AFG1L: variants seen among roughly 807,000 people sequenced by gnomAD.
AFG1L encodes AFG1 like ATPase, also known as AFG1-like ATPase.
In AFG1L, 53 loss-of-function variants were observed where a neutral mutation model predicts 62.2. The ratio of observed to expected loss-of-function variants is 0.85; its 90% CI spans 0.68 to 1.07. The LOEUF is 1.07. AFG1L is among the 50% of genes least tolerant of loss of function. AFG1L has a pLI of 0.00. For synonymous variants in AFG1L, 228 were observed against 210.3 expected (o/e 1.08, Z -0.73); for missense variants, 555 against 590.5 (o/e 0.94, Z 0.62).
At chr6:108,358,580 T>G (rs1779390877) in intron 5 of AFG1L, among the ~76,000 whole-genome samples, 1 of 152,244 alleles carries the variant, frequency 6.6e-6, no homozygotes, top group Non-Finnish European at 1.5e-5. Context: ...TTGCCTAGAC[T>G]GGAATGCAAT....
chr6:108,356,786 A>G lies in AFG1L; in HGVS notation c.614A>G (p.Glu205Gly). The G allele has an allele frequency of 6.2e-7, 1 of 1,613,668 alleles. No homozygotes were observed. Among genetic ancestry groups the G allele is most frequent in the Non-Finnish European group, 8.5e-7 (1 of 1,179,784 alleles). ...GCTCCCATAGCCGAAGAAATCAGCG[A>G]AGAAGCATGTCTCCTATGTTTTGAT... Reference protein sequence around the residue: ...PIAPIAEEISEEACLLCFDEF... With the variant: ...PIAPIAEEISGEACLLCFDEF... The change falls in exon 5 of 13, where the codon GAA (glutamate) becomes GGA (glycine). Residue 205 changes from glutamate to glycine, a missense_variant. Glu to Gly is a moderately conservative substitution (Grantham distance 98). Transcript: ENST00000368977.
intron 7 of AFG1L, among the ~76,000 whole-genome samples, chr6:108,444,124 G>C (rs1352303513): frequency 6.6e-6 from 1 of 151,484 alleles, no homozygotes; most frequent in Non-Finnish European, 1.5e-5. Context: ...GCATACCTTA[G>C]AGATATCGAG....
intron 6 of AFG1L, among the ~76,000 whole-genome samples, chr6:108,389,673 A>G (rs545984977): frequency 6.6e-6 from 1 of 152,222 alleles, no homozygotes; most frequent in East Asian, 1.9e-4. Context: ...CTGGGTTGAA[A>G]ATTCTTTCCT....
chr6:108,396,047 T>C (rs1025084428), intron 6 of AFG1L, among the ~76,000 whole-genome samples: 1 of 151,576 alleles, frequency 6.6e-6, no homozygotes, highest in Non-Finnish European at 1.5e-5. Context: ...TTTGTTTTTT[T>C]GTTTTTTTTT....
chr6:108,351,464 TG>T (rs1779076910), intron 3 of AFG1L, among the ~76,000 whole-genome samples: 1 of 152,206 alleles, frequency 6.6e-6, no homozygotes, highest in Non-Finnish European at 1.5e-5. Context: ...AGTGGTGATT[TG>T]GTAGATTCTT....
At chr6:108,518,874 C>T (rs1025873862) in intron 11 of AFG1L, among the ~76,000 whole-genome samples, 3 of 152,222 alleles carry the variant, frequency 2.0e-5, no homozygotes, top group African/African-American at 7.2e-5. Context: ...ATGCACTGAA[C>T]TTAGCAGTCT....
chr6:108,374,219 A>G (rs1780142100), intron 6 of AFG1L, among the ~76,000 whole-genome samples: 1 of 152,070 alleles, frequency 6.6e-6, no homozygotes. Flanking sequence ...TAATTTGCTT[A>G]TAGATTCTGG....
chr6:108,442,955 C>T (rs1365389394), intron 7 of AFG1L, among the ~76,000 whole-genome samples: 1 of 152,136 alleles, frequency 6.6e-6, no homozygotes, highest in Non-Finnish European at 1.5e-5. Context: ...TGATAAACAG[C>T]CCTCAGCCCT....
chr6:108,483,958 T>G (rs186741953), intron 10 of AFG1L, among the ~76,000 whole-genome samples: 1 of 152,364 alleles, frequency 6.6e-6, no homozygotes, highest in Non-Finnish European at 1.5e-5. Context: ...TTGCTCTTTT[T>G]ATGCTTTATT....
At chr6:108,477,122 C>T (rs1773136136) in intron 9 of AFG1L, 70 bp from the exon 10 acceptor site, 1 of 1,105,434 alleles carries the variant, frequency 9.0e-7, no homozygotes, top group Non-Finnish European at 1.3e-6. Context: ...CTATGCATTT[C>T]CTATCTGTAA....
chr6:108,396,985 C>T (rs1217568666), intron 6 of AFG1L, among the ~76,000 whole-genome samples: 1 of 151,966 alleles, frequency 6.6e-6, no homozygotes, highest in Non-Finnish European at 1.5e-5. Context: ...TATAATAATT[C>T]TGTTGTGCTG....
intron 10 of AFG1L, among the ~76,000 whole-genome samples, chr6:108,489,189 C>T (rs150302240): frequency 1.4e-4 from 22 of 151,876 alleles, no homozygotes; most frequent in African/African-American, 3.4e-4. Context: ...GTTTTTAGCT[C>T]GAAGAACCAG....
At chr6:108,480,043 A>G (rs1455282655) in intron 10 of AFG1L, among the ~76,000 whole-genome samples, 1 of 152,230 alleles carries the variant, frequency 6.6e-6, no homozygotes, top group Non-Finnish European at 1.5e-5. Context: ...TGCCATAAGT[A>G]AAATGAAAAA....
At chr6:108,436,599 C>T (rs1771322564) in intron 7 of AFG1L, among the ~76,000 whole-genome samples, 1 of 152,092 alleles carries the variant, frequency 6.6e-6, no homozygotes, top group Non-Finnish European at 1.5e-5. Context: ...TGAAAACCTC[C>T]CAACAAGCCC....
At chr6:108,501,348 A>T (rs1774193362) in intron 10 of AFG1L, among the ~76,000 whole-genome samples, 1 of 152,218 alleles carries the variant, frequency 6.6e-6, no homozygotes, top group Non-Finnish European at 1.5e-5. Flanking sequence ...CATTCATACA[A>T]GGAGACATTA....
At chr6:108,476,834 A>T in intron 8 of AFG1L, 31 bp from the exon 9 acceptor site, 1 of 1,554,902 alleles carries the variant, frequency 6.4e-7, no homozygotes, top group Non-Finnish European at 8.9e-7. Flanking sequence ...AGTGTTATTA[A>T]TTTCATATTC....
At chr6:108,397,347 C>T (rs1372072644) in intron 6 of AFG1L, among the ~76,000 whole-genome samples, 2 of 152,184 alleles carry the variant, frequency 1.3e-5, no homozygotes, top group African/African-American at 2.4e-5. Context: ...AGGCTGGTCT[C>T]GAACTCCTGA....
chr6:108,407,758 C>T (rs539586347), intron 7 of AFG1L, among the ~76,000 whole-genome samples: 2 of 151,670 alleles, frequency 1.3e-5, no homozygotes, highest in South Asian at 4.2e-4. Context: ...AGGTCTTGAA[C>T]AGGTCTAGCT....
At chr6:108,414,259 C>G (rs1415474289) in intron 7 of AFG1L, among the ~76,000 whole-genome samples, 3 of 152,152 alleles carry the variant, frequency 2.0e-5, no homozygotes, top group Non-Finnish European at 4.4e-5. Context: ...ATAACAGGTT[C>G]TGAAATTGAG....
Sources: allele counts gnomAD v4.1 joint callset (sites outside exome capture counted in the v4.1 genomes callset), GRCh38; gene constraint gnomAD v4.1.1; transcripts MANE v1.5; gene names NCBI Gene and HGNC (gene_info 2026-07-23, HGNC 2026-07-21).